Variants in SLC24A2 observed in about 807,000 individuals in gnomAD.
SLC24A2 encodes solute carrier family 24 member 2.
A neutral mutation model predicts 62.0 loss-of-function variants in SLC24A2; 36 were observed. The ratio of observed to expected loss-of-function variants is 0.58; its 90% CI spans 0.44 to 0.77. SLC24A2 has a LOEUF of 0.77. Among genes scored for constraint, SLC24A2 ranks in the 30% least tolerant of loss-of-function variants. The pLI is 0.00. For synonymous variants in SLC24A2, 358 were observed against 294.0 expected, an observed-to-expected ratio of 1.22 and a Z score of -2.23; for missense variants, 846 against 817.9, an observed-to-expected ratio of 1.03 and a Z score of -0.42.
At chr9:19,565,475 C>G (rs991457429) in intron 7 of SLC24A2, among the ~76,000 whole-genome samples, 1 of 150,934 alleles carries the variant, frequency 6.6e-6, no homozygotes, top group Non-Finnish European at 1.5e-5. Flanking sequence ...AGGATACAAA[C>G]AAATGGAAGA....
chr9:19,724,545 TG>T (rs1031913527), intron 2 of SLC24A2, among the ~76,000 whole-genome samples: 7 of 152,208 alleles, frequency 4.6e-5, no homozygotes, highest in African/African-American at 1.7e-4. Context: ...GAGGAGACCC[TG>T]CTAAAAGCTA....
the SLC24A2 span, among the ~76,000 whole-genome samples, chr9:19,919,612 C>T: frequency 6.6e-6 from 1 of 152,112 alleles, no homozygotes; most frequent in South Asian, 2.1e-4. Flanking sequence ...TCTCACAGTG[C>T]TATGAAGAAA....
At chr9:20,211,791 A>G in the SLC24A2 span, among the ~76,000 whole-genome samples, 8 of 152,200 alleles carry the variant, frequency 5.3e-5, no homozygotes, top group East Asian at 5.8e-4. Context: ...CTATTAAACT[A>G]TATGTCTTAA....
At chr9:20,247,136 T>C in the SLC24A2 span, among the ~76,000 whole-genome samples, 1 of 152,242 alleles carries the variant, frequency 6.6e-6, no homozygotes, top group Admixed American at 6.5e-5. Context: ...CAGGTTTCTC[T>C]ATTGGAAATA....
intron 3 of SLC24A2, among the ~76,000 whole-genome samples, chr9:19,620,434 C>G (rs1817880921): frequency 6.6e-6 from 1 of 152,166 alleles, no homozygotes. Flanking sequence ...GGAGCAGAAG[C>G]TCTTATCATG....
chr9:19,548,194 T>C (rs1834675701), intron 8 of SLC24A2, among the ~76,000 whole-genome samples: 1 of 151,762 alleles, frequency 6.6e-6, no homozygotes, highest in Admixed American at 6.5e-5. Flanking sequence ...ATGAAGGAGC[T>C]CTTGAAGACT....
chr9:19,524,137 CA>C (rs57173482), intron 9 of SLC24A2, among the ~76,000 whole-genome samples: 20,689 of 84,208 alleles, frequency 0.25, 1,176 homozygotes, highest in Non-Finnish European at 0.29. Flanking sequence ...ACTTCATTTT[CA>C]AAAAAAAAAA....
At chr9:19,670,564 T>C (rs1371240336) in intron 2 of SLC24A2, among the ~76,000 whole-genome samples, 1 of 152,190 alleles carries the variant, frequency 6.6e-6, no homozygotes, top group Admixed American at 6.5e-5. Flanking sequence ...TTCATTGCTA[T>C]TATTATTCCC....
chr9:19,895,661 T>G, the SLC24A2 span: 1 of 646,790 alleles, frequency 1.5e-6, no homozygotes. Context: ...TCTGCTCCCC[T>G]GCAGGCTCCT....
the SLC24A2 span, among the ~76,000 whole-genome samples, chr9:19,830,171 C>G: frequency 6.6e-6 from 1 of 152,186 alleles, no homozygotes; most frequent in South Asian, 2.1e-4. Flanking sequence ...TTGAGTAGAG[C>G]CCACTGACAT....
the SLC24A2 span, among the ~76,000 whole-genome samples, chr9:20,110,331 TTG>T: frequency 6.6e-6 from 1 of 152,266 alleles, no homozygotes; most frequent in East Asian, 1.9e-4. Context: ...GTTGACCCAA[TTG>T]TGTTAGGAAT....
the SLC24A2 span, among the ~76,000 whole-genome samples, chr9:20,290,468 A>C: frequency 2.0e-5 from 3 of 152,212 alleles, no homozygotes; most frequent in African/African-American, 7.2e-5. Context: ...AGCTTCTCTA[A>C]GCAGTTGCTG....
At chr9:19,868,878 C>CTT in the SLC24A2 span, among the ~76,000 whole-genome samples, 1 of 151,794 alleles carries the variant, frequency 6.6e-6, no homozygotes, top group African/African-American at 2.4e-5. Flanking sequence ...ATATGTGTCA[C>CTT]TTTCATTCAA....
chr9:19,998,800 G>A, the SLC24A2 span, among the ~76,000 whole-genome samples: 1 of 152,208 alleles, frequency 6.6e-6, no homozygotes, highest in Non-Finnish European at 1.5e-5. Context: ...GATTTTGTGT[G>A]CTTGATCTTT....
the SLC24A2 span, among the ~76,000 whole-genome samples, chr9:20,228,951 C>T: frequency 6.6e-6 from 1 of 151,954 alleles, no homozygotes; most frequent in Non-Finnish European, 1.5e-5. Flanking sequence ...CAAGAAGGGT[C>T]AATCATCCCT....
chr9:19,969,894 T>G, the SLC24A2 span, among the ~76,000 whole-genome samples: 2 of 152,152 alleles, frequency 1.3e-5, no homozygotes, highest in Non-Finnish European at 2.9e-5. Context: ...TGAGCTATAC[T>G]AGGGATTGCA....
chr9:20,212,223 G>C, the SLC24A2 span, among the ~76,000 whole-genome samples: 61 of 151,782 alleles, frequency 4.0e-4, no homozygotes, highest in South Asian at 7.1e-3. Flanking sequence ...AAGACAAAAA[G>C]TATAATTTCA....
chr9:19,907,503 AG>A, the SLC24A2 span, among the ~76,000 whole-genome samples: 3 of 152,194 alleles, frequency 2.0e-5, no homozygotes, highest in Non-Finnish European at 2.9e-5. Flanking sequence ...AAGGAAATAA[AG>A]GTTATTCAAG....
the SLC24A2 span, among the ~76,000 whole-genome samples, chr9:20,240,984 A>G: frequency 2.6e-5 from 4 of 152,236 alleles, no homozygotes; most frequent in Admixed American, 6.5e-5. Flanking sequence ...CTTCATAAGA[A>G]GATGCTTTCT....
Sources: gnomAD v4.1 joint callset for allele counts (sites outside exome capture counted in the v4.1 genomes callset) on GRCh38, gnomAD v4.1.1 for gene constraint, MANE v1.5 for transcripts, NCBI Gene and HGNC (gene_info 2026-07-23, HGNC 2026-07-21) for gene names.